Variants in CADPS2 observed in about 807,000 individuals in gnomAD.
The protein encoded by CADPS2 is calcium dependent secretion activator 2, also known as calcium-dependent secretion activator 2.
CADPS2 carries 93 observed loss-of-function variants against 172.5 expected under a neutral mutation model. That is an observed-to-expected ratio of 0.54 (90% CI 0.46 to 0.64). The LOEUF is 0.64. CADPS2 is among the 30% of genes least tolerant of loss of function. CADPS2 has a pLI of 0.00. For synonymous variants in CADPS2, 546 were observed against 555.2 expected (o/e 0.98, Z 0.23); for missense variants, 1,420 against 1,565.9 (o/e 0.91, Z 1.57).
At chr7:122,493,120 A>G (rs1275661601) in intron 9 of CADPS2, among the ~76,000 whole-genome samples, 1 of 152,186 alleles carries the variant, frequency 6.6e-6, no homozygotes, top group Non-Finnish European at 1.5e-5. Context: ...GCAAAGCAAC[A>G]GACTAAGAGA....
At chr7:122,536,866 A>C (rs2131465139) in intron 8 of CADPS2, among the ~76,000 whole-genome samples, 1 of 152,214 alleles carries the variant, frequency 6.6e-6, no homozygotes, top group Middle Eastern at 3.4e-3. Flanking sequence ...CACTGGTCAA[A>C]ATAATTCATT....
intron 3 of CADPS2, among the ~76,000 whole-genome samples, chr7:122,655,903 T>C (rs2079707381): frequency 6.6e-6 from 1 of 152,112 alleles, no homozygotes; most frequent in Non-Finnish European, 1.5e-5. Context: ...TTCAGACATA[T>C]AAAGAGCTTG....
intron 3 of CADPS2, among the ~76,000 whole-genome samples, chr7:122,656,293 G>A (rs1407505285): frequency 6.6e-6 from 1 of 152,078 alleles, no homozygotes; most frequent in Non-Finnish European, 1.5e-5. Flanking sequence ...GAAAGCCATT[G>A]TTCAATCTCC....
At chr7:122,495,008 C>A (rs2058624348) in intron 9 of CADPS2, among the ~76,000 whole-genome samples, 1 of 151,712 alleles carries the variant, frequency 6.6e-6, no homozygotes, top group Non-Finnish European at 1.5e-5. Context: ...GAGAGGTAAA[C>A]AATAACGGTC....
intron 2 of CADPS2, among the ~76,000 whole-genome samples, chr7:122,715,423 T>A (rs984204056): frequency 1.3e-5 from 2 of 152,108 alleles, no homozygotes; most frequent in African/African-American, 4.8e-5. Flanking sequence ...ATAAGACACA[T>A]GAATCCATGA....
chr7:122,407,362 A>T (rs372204211), intron 20 of CADPS2, among the ~76,000 whole-genome samples, 178 bp downstream of exon 20: 56 of 152,126 alleles, frequency 3.7e-4, no homozygotes, highest in African/African-American at 1.3e-3. Context: ...GGAGTGTGGG[A>T]GTCTCCCCGG....
chr7:122,525,155 C>A (rs550766535), intron 8 of CADPS2, among the ~76,000 whole-genome samples: 2 of 151,492 alleles, frequency 1.3e-5, no homozygotes, highest in East Asian at 1.9e-4. Context: ...AAAAAAAATT[C>A]TTTAAAAAGT....
At chr7:122,624,894 T>C (rs1440853137) in intron 4 of CADPS2, among the ~76,000 whole-genome samples, 2 of 152,074 alleles carry the variant, frequency 1.3e-5, no homozygotes, top group Non-Finnish European at 2.9e-5. Flanking sequence ...TTTCTTCTGA[T>C]AGAAAGTCAT....
chr7:122,640,698 G>A (rs1005412992), intron 3 of CADPS2, among the ~76,000 whole-genome samples: 4 of 152,124 alleles, frequency 2.6e-5, no homozygotes, highest in East Asian at 3.9e-4. Context: ...TTGGGAGGCC[G>A]AGGCAGGCGG....
At chr7:122,741,600 G>A (rs2138000748) in intron 1 of CADPS2, among the ~76,000 whole-genome samples, 1 of 152,032 alleles carries the variant, frequency 6.6e-6, no homozygotes, top group East Asian at 1.9e-4. Flanking sequence ...ACAATCTTGA[G>A]GATTTCAAAA....
intron 1 of CADPS2, among the ~76,000 whole-genome samples, chr7:122,866,469 G>C (rs1818349945): frequency 6.6e-6 from 1 of 152,158 alleles, no homozygotes; most frequent in African/African-American, 2.4e-5. Context: ...GGGAGGTCGA[G>C]GTGGGTGGAT....
rs1220957167 is a variant in CADPS2, at chr7:122,670,932, C to T, written c.454-7363G>A. ...CCTCATCACAAGTTATTCTTCCTTG[C>T]TGGATCTCCGTGCTCCAGTCCCACA... On this transcript the variant is annotated intron_variant, in intron 2 of 29. Coordinates refer to ENST00000449022, the MANE Select transcript of CADPS2 (RefSeq NM_017954.11). Among the ~76,000 whole-genome samples, 9 of 151,744 alleles carry T rather than the reference C, an allele frequency of 5.9e-5. No homozygotes were observed. The South Asian group carries it at 1.9e-3, about 32-fold the overall frequency.
chr7:122,494,815 T>C (rs929103806), intron 9 of CADPS2, among the ~76,000 whole-genome samples: 3 of 151,988 alleles, frequency 2.0e-5, no homozygotes, highest in Non-Finnish European at 4.4e-5. Flanking sequence ...TTACAGACAG[T>C]CAAATTTACT....
At chr7:122,835,502 T>A (rs762663063) in intron 1 of CADPS2, among the ~76,000 whole-genome samples, 2 of 152,080 alleles carry the variant, frequency 1.3e-5, no homozygotes, top group Non-Finnish European at 2.9e-5. Flanking sequence ...AAGGCAGAAG[T>A]TCGAACCCAA....
intron 1 of CADPS2, among the ~76,000 whole-genome samples, chr7:122,768,922 G>A (rs181967252): frequency 4.2e-4 from 64 of 151,194 alleles, no homozygotes; most frequent in African/African-American, 1.6e-3. Flanking sequence ...TAGATAACCT[G>A]AAAGACAGCA....
intron 1 of CADPS2, among the ~76,000 whole-genome samples, chr7:122,781,955 T>C (rs777328979): frequency 2.0e-5 from 3 of 152,192 alleles, no homozygotes; most frequent in Non-Finnish European, 4.4e-5. Flanking sequence ...GAATCTTTCA[T>C]CTAAGGACAT....
intron 1 of CADPS2, among the ~76,000 whole-genome samples, chr7:122,883,834 AT>A (rs910659758): frequency 8.6e-5 from 13 of 152,026 alleles, no homozygotes; most frequent in Admixed American, 3.3e-4. Context: ...TAAGGATTCT[AT>A]TTTTTTTCAT....
intron 1 of CADPS2, among the ~76,000 whole-genome samples, chr7:122,817,153 G>GTC (rs1465237881): frequency 1.3e-5 from 2 of 152,160 alleles, no homozygotes; most frequent in Admixed American, 6.5e-5. Context: ...CTGTTTGGTG[G>GTC]TCTCTTCAAA....
chr7:122,860,774 C>T (rs973877042), intron 1 of CADPS2, among the ~76,000 whole-genome samples: 3 of 152,112 alleles, frequency 2.0e-5, no homozygotes, highest in Non-Finnish European at 4.4e-5. Context: ...CACTATTATA[C>T]TCTCTACTTC....
Sources: gnomAD v4.1 joint callset for allele counts (sites outside exome capture counted in the v4.1 genomes callset) on GRCh38, gnomAD v4.1.1 for gene constraint, MANE v1.5 for transcripts, NCBI Gene and HGNC (gene_info 2026-07-23, HGNC 2026-07-21) for gene names.